DGKB: variants seen among roughly 807,000 people sequenced by gnomAD.
The protein encoded by DGKB is diacylglycerol kinase beta.
Under a neutral mutation model 114.3 loss-of-function variants are expected in DGKB, and 67 were observed. The observed-to-expected ratio is 0.59, with a 90% CI of 0.48 to 0.72. The LOEUF is 0.72. DGKB is among the 30% of genes least tolerant of loss of function. DGKB has a pLI of 0.00. For synonymous variants in DGKB, 398 were observed against 323.1 expected (o/e 1.23, Z -2.49); for missense variants, 907 against 975.2 (o/e 0.93, Z 0.93).
intron 13 of DGKB, among the ~76,000 whole-genome samples, chr7:14,662,961 T>C (rs936684274): frequency 6.6e-6 from 1 of 151,958 alleles, no homozygotes; most frequent in African/African-American, 2.4e-5. Flanking sequence ...ATAATAGTAA[T>C]ATTAGATGAT....
At chr7:14,972,636 A>G (rs1787539812) in intron 1 of DGKB, among the ~76,000 whole-genome samples, 1 of 151,398 alleles carries the variant, frequency 6.6e-6, no homozygotes, top group African/African-American at 2.4e-5. Flanking sequence ...GCCTCTTATA[A>G]GAAGATGATT....
At chr7:14,888,256 C>A (rs1473668735) in intron 1 of DGKB, among the ~76,000 whole-genome samples, 1 of 151,698 alleles carries the variant, frequency 6.6e-6, no homozygotes, top group African/African-American at 2.4e-5. Flanking sequence ...GGCACAGAGA[C>A]AGAGGCTCCA....
intron 21 of DGKB, among the ~76,000 whole-genome samples, chr7:14,437,961 A>G (rs1829525302): frequency 6.6e-6 from 1 of 151,890 alleles, no homozygotes; most frequent in Non-Finnish European, 1.5e-5. Context: ...AATTACAAAA[A>G]TTCTTTCATT....
intron 23 of DGKB, among the ~76,000 whole-genome samples, chr7:14,296,486 G>C (rs1193064433): frequency 1.3e-5 from 2 of 152,114 alleles, no homozygotes; most frequent in African/African-American, 4.8e-5. Context: ...TGTCTTTATA[G>C]TAGAACGATT....
At chr7:14,197,672 T>C (rs1009292923) in intron 23 of DGKB, among the ~76,000 whole-genome samples, 2 of 152,160 alleles carry the variant, frequency 1.3e-5, no homozygotes, top group Non-Finnish European at 2.9e-5. Context: ...AAAGCTTCCA[T>C]ATAGAACCAT....
intron 2 of DGKB, among the ~76,000 whole-genome samples, chr7:14,822,665 T>C (rs541406842): frequency 1.3e-5 from 2 of 152,218 alleles, no homozygotes; most frequent in Non-Finnish European, 1.5e-5. Context: ...TAGAGGTTGA[T>C]AGAATCATAG....
chr7:14,835,244 T>C (rs937089195), intron 2 of DGKB, among the ~76,000 whole-genome samples: 1 of 152,204 alleles, frequency 6.6e-6, no homozygotes, highest in Non-Finnish European at 1.5e-5. Context: ...TTCAGATAAG[T>C]GTTTTAACTG....
chr7:14,385,924 G>T (rs1055038180), intron 21 of DGKB, among the ~76,000 whole-genome samples: 1 of 152,134 alleles, frequency 6.6e-6, no homozygotes, highest in African/African-American at 2.4e-5. Context: ...CACAAGTACT[G>T]CCAATATTAC....
intron 13 of DGKB, among the ~76,000 whole-genome samples, chr7:14,667,938 G>A (rs1483693635): frequency 6.6e-6 from 1 of 152,018 alleles, no homozygotes; most frequent in East Asian, 1.9e-4. Flanking sequence ...CACAACAAGT[G>A]CACTTAAAGA....
intron 6 of DGKB, among the ~76,000 whole-genome samples, chr7:14,705,848 C>T (rs1826127014): frequency 6.6e-6 from 1 of 151,930 alleles, no homozygotes; most frequent in East Asian, 1.9e-4. Context: ...CCAGTACCAG[C>T]CACTGCAAAA....
At chr7:14,761,926 T>C (rs1455817682) in intron 2 of DGKB, among the ~76,000 whole-genome samples, 1 of 152,108 alleles carries the variant, frequency 6.6e-6, no homozygotes, top group South Asian at 2.1e-4. Flanking sequence ...TTGGGTCTCC[T>C]GGAAAGCAAA....
Position 14,468,239 on chromosome 7 carries a change from T to C in DGKB, c.1835+9922A>G, listed in dbSNP as rs772549692. On this transcript the variant is annotated intron_variant, in intron 21 of 25. Transcript: ENST00000402815. ...ATCAAAGGGGAAGAAAATTCTATCA[T>C]TGATATTGGTTAACGTCACAGGCTT... 5.3e-5 allele frequency among the ~76,000 whole-genome samples: 8 copies of C among 152,196 alleles called. No individual in the cohort carries two copies. The East Asian group carries it at 5.8e-4, about 11-fold the overall frequency.
intron 21 of DGKB, among the ~76,000 whole-genome samples, chr7:14,450,519 G>A (rs761704617): frequency 2.0e-5 from 3 of 152,044 alleles, no homozygotes; most frequent in African/African-American, 7.2e-5. Flanking sequence ...GGGTGGCAAA[G>A]CCCAAATCAT....
chr7:14,231,960 A>G (rs187426651), intron 23 of DGKB, among the ~76,000 whole-genome samples: 14 of 152,100 alleles, frequency 9.2e-5, no homozygotes, highest in Admixed American at 3.3e-4. Flanking sequence ...TGGGTTTGAG[A>G]GAAGTTGATG....
intron 9 of DGKB, among the ~76,000 whole-genome samples, chr7:14,686,691 G>C (rs1337981806): frequency 6.6e-6 from 1 of 152,004 alleles, no homozygotes; most frequent in Non-Finnish European, 1.5e-5. Context: ...TGTAATACTA[G>C]AGAAAATCTA....
At chr7:14,928,153 G>A (rs1356902004) in intron 1 of DGKB, among the ~76,000 whole-genome samples, 2 of 151,842 alleles carry the variant, frequency 1.3e-5, no homozygotes, top group African/African-American at 4.8e-5. Flanking sequence ...CTAAAATATA[G>A]ATTCTTTCAA....
At chr7:14,757,236 C>T (rs770886553) in intron 3 of DGKB, among the ~76,000 whole-genome samples, 2 of 151,974 alleles carry the variant, frequency 1.3e-5, no homozygotes, top group African/African-American at 4.8e-5. Flanking sequence ...GATTGAAATT[C>T]GTGGGTCATA....
intron 15 of DGKB, among the ~76,000 whole-genome samples, chr7:14,617,610 A>G (rs984539839): frequency 2.6e-5 from 4 of 151,566 alleles, no homozygotes; most frequent in Non-Finnish European, 5.9e-5. Flanking sequence ...CTTTCCCACC[A>G]ATATCTTCTC....
chr7:14,467,823 A>T (rs1780693355), intron 21 of DGKB, among the ~76,000 whole-genome samples: 1 of 152,144 alleles, frequency 6.6e-6, no homozygotes, highest in Admixed American at 6.6e-5. Flanking sequence ...AACGCAGAGG[A>T]TATAATTAGT....
Sources: gnomAD v4.1 joint callset for allele counts (sites outside exome capture counted in the v4.1 genomes callset) on GRCh38, gnomAD v4.1.1 for gene constraint, MANE v1.5 for transcripts, NCBI Gene and HGNC (gene_info 2026-07-23, HGNC 2026-07-21) for gene names.